Variants in RALA observed in about 807,000 individuals in gnomAD.
RALA encodes ras-related protein Ral-A.
RALA carries 5 observed loss-of-function variants against 24.0 expected under a neutral mutation model. The observed-to-expected ratio is 0.21, with a 90% CI of 0.11 to 0.44. The LOEUF (loss-of-function observed/expected upper bound fraction) is 0.44. RALA is among the 20% of genes least tolerant of loss of function. RALA has a pLI of 0.99. For missense variants in RALA, 95 were observed against 241.2 expected, an observed-to-expected ratio of 0.39 and a Z score of 4.01; for synonymous variants, 77 against 83.8, an observed-to-expected ratio of 0.92 and a Z score of 0.44.
intron 2 of RALA, among the ~76,000 whole-genome samples, chr7:39,687,476 T>TTA (rs1310108329): frequency 6.6e-6 from 1 of 152,194 alleles, no homozygotes; most frequent in Non-Finnish European, 1.5e-5. Context: ...AGTCGTTTAT[T>TTA]GTGTGTTTGG....
At chr7:39,666,705 T>TTACTCCTTAAAAA (rs1179515932) in intron 1 of RALA, among the ~76,000 whole-genome samples, 1 of 152,172 alleles carries the variant, frequency 6.6e-6, no homozygotes, top group East Asian at 1.9e-4. Context: ...CTGCTCGCTG[T>TTACTCCTTAAAAA]TACTCCTTAA....
chr7:39,643,222 A>G (rs1023466548), intron 1 of RALA, among the ~76,000 whole-genome samples: 12 of 152,358 alleles, frequency 7.9e-5, no homozygotes, highest in Middle Eastern at 3.4e-3. Context: ...ATAAATGCCA[A>G]AGTCCTAGCA....
intron 1 of RALA, among the ~76,000 whole-genome samples, chr7:39,684,712 TAAAAAAAAAA>T (rs34582850): frequency 1.8e-5 from 2 of 110,412 alleles, no homozygotes; most frequent in African/African-American, 7.2e-5. Flanking sequence ...GCTGATGAGC[TAAAAAAAAAA>T]AAAAAAGAAA....
intron 1 of RALA, among the ~76,000 whole-genome samples, chr7:39,675,194 G>T (rs865950380): frequency 1.3e-5 from 2 of 152,182 alleles, no homozygotes; most frequent in Non-Finnish European, 2.9e-5. Flanking sequence ...TTGCATGAGA[G>T]AATCTGGGCA....
chr7:39,638,517 C>G (rs1389112056), intron 1 of RALA, among the ~76,000 whole-genome samples: 2 of 152,100 alleles, frequency 1.3e-5, no homozygotes, highest in Admixed American at 6.5e-5. Context: ...ATCATGTCTC[C>G]CTGCAGTCTT....
chr7:39,654,452 C>T (rs573910447), intron 1 of RALA, among the ~76,000 whole-genome samples: 2 of 152,242 alleles, frequency 1.3e-5, no homozygotes, highest in South Asian at 4.1e-4. Flanking sequence ...GTCTTCTCCT[C>T]AGTAATTTTA....
chr7:39,653,906 A>G (rs1206359050), intron 1 of RALA, among the ~76,000 whole-genome samples: 1 of 152,162 alleles, frequency 6.6e-6, no homozygotes, highest in Admixed American at 6.5e-5. Context: ...CTGAATATGT[A>G]CTAGTTATTT....
intron 1 of RALA, among the ~76,000 whole-genome samples, chr7:39,660,689 A>AT (rs1482267157): frequency 2.0e-5 from 3 of 152,146 alleles, no homozygotes; most frequent in African/African-American, 7.2e-5. Context: ...ACTTACGCAG[A>AT]TTTTTTCAAT....
chr7:39,683,212 A>G (rs149631416), intron 1 of RALA, among the ~76,000 whole-genome samples: 46 of 152,322 alleles, frequency 3.0e-4, no homozygotes, highest in African/African-American at 1.1e-3. Context: ...ATACTCTGTT[A>G]TAGCAACAGG....
intron 1 of RALA, among the ~76,000 whole-genome samples, chr7:39,664,700 A>G (rs1792254261): frequency 6.6e-6 from 1 of 152,210 alleles, no homozygotes; most frequent in Non-Finnish European, 1.5e-5. Flanking sequence ...TAAGCCCCAA[A>G]CAATAAATTC....
intron 1 of RALA, 63 bp from the exon 2 acceptor site, chr7:39,686,564 CTCTT>C: frequency 1.1e-6 from 1 of 907,378 alleles, no homozygotes; most frequent in Non-Finnish European, 1.8e-6. Flanking sequence ...AAGGACATAT[CTCTT>C]TCTTACACTG....
intron 3 of RALA, among the ~76,000 whole-genome samples, chr7:39,694,989 G>A (rs1792893258): frequency 6.6e-6 from 1 of 151,760 alleles, no homozygotes; most frequent in Non-Finnish European, 1.5e-5. Context: ...AGCCCAGGAG[G>A]TTGAGGCTGC....
At chr7:39,647,514 G>T (rs1030235791) in intron 1 of RALA, among the ~76,000 whole-genome samples, 10 of 152,208 alleles carry the variant, frequency 6.6e-5, no homozygotes, top group Admixed American at 5.9e-4. Context: ...GAGTTTCATA[G>T]TCCTGCATTT....
rs561415081 is a variant in RALA at position 39,655,340 on chromosome 7, A to G, written c.-37-31291A>G. On this transcript the variant is annotated intron_variant, in intron 1 of 4. Coordinates refer to ENST00000005257, the MANE Select transcript of RALA (RefSeq NM_005402.4). ...AGCCAGATAAAAGAGTACATGTTGC[A>G]TAATTCCTTTTATGTGAAACTGAAG... is the stretch of plus-strand genomic sequence containing the variant. Among the ~76,000 whole-genome samples, 6 of 152,370 alleles carry G rather than the reference A, an allele frequency of 3.9e-5. No individual in the cohort carries two copies. In the East Asian group the frequency reaches 5.8e-4, roughly 15 times the overall value.
intron 4 of RALA, chr7:39,701,050 G>A (rs1330563860): frequency 6.6e-6 from 1 of 152,196 alleles, no homozygotes; most frequent in Non-Finnish European, 1.5e-5. Context: ...CCTTAATTGT[G>A]TGAGGCGTAG....
intron 1 of RALA, among the ~76,000 whole-genome samples, chr7:39,648,985 A>G (rs947066462): frequency 1.3e-5 from 2 of 152,142 alleles, no homozygotes; most frequent in African/African-American, 4.8e-5. Context: ...GCTTGAGCCC[A>G]GGAGATCAAG....
At chr7:39,680,945 A>T (rs1792585186) in intron 1 of RALA, among the ~76,000 whole-genome samples, 1 of 152,238 alleles carries the variant, frequency 6.6e-6, no homozygotes, top group African/African-American at 2.4e-5. Flanking sequence ...ATTTAGATAC[A>T]GTCAAAGAAA....
intron 3 of RALA, 26 bp downstream of exon 3, chr7:39,690,616 T>G: frequency 1.9e-6 from 3 of 1,542,660 alleles, no homozygotes; most frequent in Non-Finnish European, 8.9e-7. Flanking sequence ...ATGTTGTTGC[T>G]TGTGACATAC....
At chr7:39,696,029 A>G (rs1269800779) in intron 3 of RALA, among the ~76,000 whole-genome samples, 1 of 152,208 alleles carries the variant, frequency 6.6e-6, no homozygotes, top group Non-Finnish European at 1.5e-5. Context: ...CATTTTATAG[A>G]TGAGGAAACT....
Sources: gnomAD v4.1 joint callset for allele counts (sites outside exome capture counted in the v4.1 genomes callset) on GRCh38, gnomAD v4.1.1 for gene constraint, MANE v1.5 for transcripts, NCBI Gene and HGNC (gene_info 2026-07-23, HGNC 2026-07-21) for gene names.